Variants in TXNRD3 observed in about 807,000 individuals in gnomAD.
The protein encoded by TXNRD3 is thioredoxin reductase 3.
In TXNRD3, 68 loss-of-function variants were observed where a neutral mutation model predicts 78.2. The ratio of observed to expected loss-of-function variants is 0.87; its 90% CI spans 0.72 to 1.06. The LOEUF is 1.06. TXNRD3 is among the 50% of genes least tolerant of loss of function. The pLI is 0.00. For missense variants in TXNRD3, 751 were observed against 809.5 expected, an observed-to-expected ratio of 0.93 and a Z score of 0.88; for synonymous variants, 296 against 300.1, an observed-to-expected ratio of 0.99 and a Z score of 0.14.
intron 12 of TXNRD3, among the ~76,000 whole-genome samples, chr3:126,617,177 A>C (rs1051484608): frequency 2.0e-5 from 3 of 151,950 alleles, no homozygotes; most frequent in Admixed American, 6.6e-5. Flanking sequence ...CATCTCCTTC[A>C]CCTGGACTTG....
rs556098343 is a variant in TXNRD3 at position 126,618,194 on chromosome 3, C to A, written c.1525-2732G>T. On this transcript the variant is annotated intron_variant, in intron 12 of 15. Coordinates refer to ENST00000524230, the MANE Select transcript of TXNRD3 (RefSeq NM_052883.3). ...CCAATCTCTATCAAAATACCAATCACATTCTTCACAGTAGTAGAAAAAACA... is the reference window on the plus strand; with the variant it reads ...CCAATCTCTATCAAAATACCAATCAAATTCTTCACAGTAGTAGAAAAAACA... Among the ~76,000 whole-genome samples the A allele has an allele frequency of 3.1e-4, 47 of 152,318 alleles. 1 individual carries two copies. Among genetic ancestry groups the A allele is most frequent in the African/African-American group, 9.9e-4 (41 of 41,578 alleles).
intron 7 of TXNRD3, among the ~76,000 whole-genome samples, chr3:126,633,418 G>C (rs546600549): frequency 8.1e-4 from 123 of 152,174 alleles, no homozygotes; most frequent in African/African-American, 2.9e-3. Flanking sequence ...CAATTAAACT[G>C]TTTGTGTTCC....
At chr3:126,622,157 G>C (rs1266537039) in intron 11 of TXNRD3, among the ~76,000 whole-genome samples, 2 of 152,174 alleles carry the variant, frequency 1.3e-5, no homozygotes, top group Non-Finnish European at 2.9e-5. Flanking sequence ...GACTCACTTA[G>C]AGCTTTGGAA....
chr3:126,646,258 A>G (rs202184048), intron 2 of TXNRD3, 38 bp from the exon 3 acceptor site: 2 of 1,441,258 alleles, frequency 1.4e-6, no homozygotes, highest in Admixed American at 3.0e-5. Context: ...AACACTGAAA[A>G]GAGTTTCAAA....
chr3:126,654,499 C>CG (rs1165777359), intron 1 of TXNRD3, among the ~76,000 whole-genome samples: 1 of 152,188 alleles, frequency 6.6e-6, no homozygotes, highest in African/African-American at 2.4e-5. Flanking sequence ...GTTTCACAAA[C>CG]GGGGGAACTG....
intron 11 of TXNRD3, 146 bp downstream of exon 11, chr3:126,622,318 T>A (rs901113490): frequency 1.8e-6 from 1 of 564,222 alleles, no homozygotes; most frequent in Non-Finnish European, 3.0e-6. Context: ...TACTGATTGA[T>A]GAAGAAATTG....
intron 9 of TXNRD3, among the ~76,000 whole-genome samples, chr3:126,629,948 A>G (rs777223): frequency 0.19 from 28,246 of 152,250 alleles, 2,979 homozygotes; most frequent in Admixed American, 0.28. Flanking sequence ...TAAATCTGAG[A>G]ATCATTAGCA....
intron 1 of TXNRD3, 117 bp from the exon 2 acceptor site, chr3:126,647,413 C>A: frequency 1.4e-6 from 1 of 731,754 alleles, no homozygotes. Flanking sequence ...GAGTTCTAGC[C>A]AACGTGTGGT....
intron 6 of TXNRD3, among the ~76,000 whole-genome samples, chr3:126,639,983 T>G (rs994275713): frequency 4.6e-5 from 7 of 152,132 alleles, no homozygotes; most frequent in African/African-American, 1.4e-4. Context: ...CAGCTGATCC[T>G]AGCTTGACCT....
intron 15 of TXNRD3, 50 bp from the exon 16 acceptor site, chr3:126,608,023 T>C (rs756390891): frequency 2.3e-6 from 3 of 1,301,542 alleles, no homozygotes; most frequent in South Asian, 3.0e-5. Flanking sequence ...AGTATTGTTT[T>C]AAAAAAACAC....
chr3:126,642,128 C>G lies in TXNRD3; in HGVS notation c.616G>C (p.Val206Leu). Reference sequence around the variant, plus strand: ...ATCAATTTCTTAGGAATACAACCTACATTTACACAAGTGCCACCAAGACCT... The same window carrying G: ...ATCAATTTCTTAGGAATACAACCTAGATTTACACAAGTGCCACCAAGACCT... Residue 206 changes from valine (V) to leucine (L), a missense_variant, in exon 6 of 16, where the codon GTA becomes CTA. By Grantham distance (32) the Val-to-Leu change is conservative. Coordinates refer to ENST00000524230, the MANE Select transcript of TXNRD3 (RefSeq NM_052883.3). The G allele has an allele frequency of 6.5e-7, 1 of 1,536,016 alleles. No homozygotes were observed. The highest frequency in any genetic ancestry group is 8.7e-7 in the Non-Finnish European group (1 of 1,146,828).
intron 12 of TXNRD3, among the ~76,000 whole-genome samples, chr3:126,618,863 CAA>C (rs36021189): frequency 8.1e-4 from 59 of 73,102 alleles, no homozygotes; most frequent in African/African-American, 2.1e-3. Context: ...AACTCAGAGC[CAA>C]AAAAAAAAAA....
At chr3:126,625,090 A>C (rs1938546331) in intron 10 of TXNRD3, 1 of 160,360 alleles carries the variant, frequency 6.2e-6, no homozygotes, top group South Asian at 1.8e-4. Flanking sequence ...GGGACCAAAA[A>C]TAATAAAGGG....
rs1391088333 is a variant in TXNRD3 at position 126,608,536 on chromosome 3, A to G, written c.1826T>C (p.Leu609Pro). 6.5e-7 allele frequency: 1 copy of G among 1,535,932 alleles called. No homozygotes were observed. The highest frequency in any genetic ancestry group is 8.7e-7 in the Non-Finnish European group (1 of 1,146,836). The change falls in exon 15 of 16, where the codon CTT becomes CCT. Residue 609 changes from leucine to proline, a missense_variant. Leu to Pro is a moderately conservative substitution (Grantham distance 98). Transcript: ENST00000524230. Reference sequence around the variant, plus strand: ...GGGGTGAATTCCAATGGTGTCATCAAGTAGCTGTTTTGTGAGCCCACATTT... The same window carrying G: ...GGGGTGAATTCCAATGGTGTCATCAGGTAGCTGTTTTGTGAGCCCACATTT...
Position 126,623,851 on chromosome 3 carries a change from C to CAAAAAAAAAAAAAAAAAAAAAAAAAA in TXNRD3, c.1291-1312_1291-1311insTTTTTTTTTTTTTTTTTTTTTTTTTT, listed in dbSNP as rs758992893. ...GGAGGTATTAGCCAGTGAAACAAGG[C>CAAAAAAAAAAAAAAAAAAAAAAAAAA]CAAAAAAAAAAAAAAAAAAGATTAA... On this transcript the variant is annotated intron_variant, in intron 10 of 15. Transcript: ENST00000524230. 7.8e-5 allele frequency among the ~76,000 whole-genome samples: 7 copies of CAAAAAAAAAAAAAAAAAAAAAAAAAA among 89,760 alleles called. 2 individuals are homozygous for CAAAAAAAAAAAAAAAAAAAAAAAAAA. Among genetic ancestry groups the CAAAAAAAAAAAAAAAAAAAAAAAAAA allele is most frequent in the Non-Finnish European group, 1.6e-4 (7 of 43,972 alleles). The allele number at this position is 89,760 out of a possible 152,430, so 58.9% of individuals were successfully genotyped here. A position where few individuals can be genotyped will look rare whatever the true frequency, so the allele number is the denominator to read the frequency against.
intron 6 of TXNRD3, among the ~76,000 whole-genome samples, chr3:126,634,259 GAAGAA>G (rs555954517): frequency 1.9e-3 from 289 of 152,280 alleles, no homozygotes; most frequent in African/African-American, 6.6e-3. Context: ...GTTCTGAAAA[GAAGAA>G]AACTGGGGAA....
intron 5 of TXNRD3, among the ~76,000 whole-genome samples, chr3:126,642,891 G>A (rs1252620845): frequency 6.6e-6 from 1 of 152,172 alleles, no homozygotes; most frequent in African/African-American, 2.4e-5. Flanking sequence ...TTTTCTAGCA[G>A]AAAAGAGAAG....
intron 1 of TXNRD3, 107 bp from the exon 2 acceptor site, chr3:126,647,403 G>A (rs1933266176): frequency 1.2e-6 from 1 of 800,438 alleles, no homozygotes; most frequent in East Asian, 2.8e-5. Flanking sequence ...GGAGGAACAG[G>A]AGTTCTAGCC....
rs1933483454 is a variant in TXNRD3, at chr3:126,655,051, C to T, written c.-61G>A. 2.3e-6 allele frequency: 3 copies of T among 1,287,792 alleles called. No individual in the cohort carries two copies. The highest frequency in any genetic ancestry group is 3.1e-5 in the African/African-American group (2 of 64,134). The allele number at this position is 1,287,792 out of a possible 1,614,324, so 79.8% of individuals were successfully genotyped here. ...TCACAAACCGAAACGCAGGCGGCTG[C>T]GGCGCCGGGACGGGGCCTGAGGGGC... On this transcript the variant is annotated 5_prime_UTR_variant, in exon 1 of 16. Transcript: ENST00000524230.
Sources: gnomAD v4.1 joint callset for allele counts (sites outside exome capture counted in the v4.1 genomes callset) on GRCh38, gnomAD v4.1.1 for gene constraint, MANE v1.5 for transcripts, NCBI Gene and HGNC (gene_info 2026-07-23, HGNC 2026-07-21) for gene names.